PPP1R9A: variants seen among roughly 807,000 people sequenced by gnomAD.
PPP1R9A encodes protein phosphatase 1 regulatory subunit 9A.
Under a neutral mutation model 141.9 loss-of-function variants are expected in PPP1R9A, and 59 were observed. The observed-to-expected ratio is 0.42, with a 90% CI of 0.34 to 0.52. The LOEUF is 0.52. PPP1R9A is among the 20% of genes least tolerant of loss of function. PPP1R9A has a pLI of 0.10. For synonymous variants in PPP1R9A, 500 were observed against 569.7 expected, an observed-to-expected ratio of 0.88 and a Z score of 1.74; for missense variants, 1,444 against 1,611.9, an observed-to-expected ratio of 0.90 and a Z score of 1.78.
chr7:95,001,777 G>A (rs1802962830), intron 2 of PPP1R9A, among the ~76,000 whole-genome samples: 1 of 152,096 alleles, frequency 6.6e-6, no homozygotes, highest in South Asian at 2.1e-4. Context: ...TAAATGTATT[G>A]AAGACAAAGC....
Position 94,923,543 on chromosome 7 carries a change from A to G in PPP1R9A, c.1395+12035A>G, listed in dbSNP as rs993486019. On this transcript the variant is annotated intron_variant, in intron 2 of 19. Transcript: ENST00000433360. ...ATAGGATTTTGAGTTCTAGGCCTCC[A>G]CAGAATCCATTTGAATATGTTTCCT... Among the ~76,000 whole-genome samples, 6 of 152,216 alleles carry G rather than the reference A, an allele frequency of 3.9e-5. No homozygotes were observed. The South Asian group carries it at 1.2e-3, about 32-fold the overall frequency.
intron 2 of PPP1R9A, among the ~76,000 whole-genome samples, chr7:95,061,461 C>T (rs367790052): frequency 2.6e-4 from 40 of 152,242 alleles, no homozygotes; most frequent in African/African-American, 6.7e-4. Flanking sequence ...TGGCGCTGGA[C>T]GCGGTGGCTC....
chr7:95,002,982 G>A (rs935053730), intron 2 of PPP1R9A, among the ~76,000 whole-genome samples: 1 of 152,088 alleles, frequency 6.6e-6, no homozygotes, highest in Non-Finnish European at 1.5e-5. Context: ...GAGTCCTGCT[G>A]GTTGGAGAGT....
chr7:95,097,717 A>G (rs2152382177), intron 2 of PPP1R9A, among the ~76,000 whole-genome samples: 1 of 152,272 alleles, frequency 6.6e-6, no homozygotes, highest in South Asian at 2.1e-4. Context: ...TTCATGACCT[A>G]TTAGATTGAT....
chr7:95,108,302 C>CGTTTCTTTTTTTTTTTTTTTTTTTTT (rs1204011323), intron 2 of PPP1R9A, among the ~76,000 whole-genome samples: 1 of 68,760 alleles, frequency 1.5e-5, no homozygotes. Context: ...TTTTTCGTTT[C>CGTTTCTTTTTTTTTTTTTTTTTTTTT]TTTTCTTTTT....
At chr7:95,288,993 C>T (rs1805874727) in intron 19 of PPP1R9A, among the ~76,000 whole-genome samples, 1 of 152,142 alleles carries the variant, frequency 6.6e-6, no homozygotes, top group Admixed American at 6.5e-5. Flanking sequence ...TATTAACTCT[C>T]CTTACATCTG....
intron 2 of PPP1R9A, among the ~76,000 whole-genome samples, chr7:95,000,088 C>A (rs1292154471): frequency 6.6e-6 from 1 of 152,092 alleles, no homozygotes; most frequent in Non-Finnish European, 1.5e-5. Context: ...CAGGCATGAG[C>A]CACCGCGCCC....
chr7:95,186,602 AG>A (rs1379251151), intron 5 of PPP1R9A, among the ~76,000 whole-genome samples: 1 of 152,060 alleles, frequency 6.6e-6, no homozygotes, highest in Non-Finnish European at 1.5e-5. Flanking sequence ...TCTAGTTCTC[AG>A]GAGGAATGCT....
chr7:95,014,621 T>C (rs185487694), intron 2 of PPP1R9A, among the ~76,000 whole-genome samples: 50 of 152,198 alleles, frequency 3.3e-4, no homozygotes, highest in African/African-American at 8.9e-4. Flanking sequence ...GAAAATACTT[T>C]GAGACTTTGT....
intron 7 of PPP1R9A, among the ~76,000 whole-genome samples, chr7:95,223,181 GATGAA>G (rs1794691410): frequency 6.6e-6 from 1 of 152,016 alleles, no homozygotes; most frequent in African/African-American, 2.4e-5. Flanking sequence ...TAAATGAAAA[GATGAA>G]ATGAGTGATA....
At chr7:94,968,298 A>G (rs1415613715) in intron 2 of PPP1R9A, among the ~76,000 whole-genome samples, 4 of 150,894 alleles carry the variant, frequency 2.7e-5, no homozygotes, top group African/African-American at 7.3e-5. Flanking sequence ...TCAGCCTCCC[A>G]AGTAGCTGGG....
chr7:94,992,966 A>G lies in PPP1R9A; in HGVS notation c.1395+81458A>G, dbSNP rs528491080. Among the ~76,000 whole-genome samples the G allele has an allele frequency of 7.9e-5, 12 of 152,178 alleles. No homozygotes were observed. The South Asian group carries it at 2.5e-3, about 32-fold the overall frequency. On this transcript the variant is annotated intron_variant, in intron 2 of 19. Transcript: ENST00000433360. ...ATCTAAGAAATCTTTGGTTAATCCA[A>G]GGTCACAAATATATTCTACTTTTTC...
intron 4 of PPP1R9A, among the ~76,000 whole-genome samples, chr7:95,140,879 A>C (rs1359325787): frequency 6.6e-6 from 1 of 151,962 alleles, no homozygotes; most frequent in African/African-American, 2.4e-5. Flanking sequence ...ACACCTGGCT[A>C]ATTTATTTAT....
chr7:94,977,764 CTTTTTTTTT>C (rs370362125), intron 2 of PPP1R9A, among the ~76,000 whole-genome samples: 2 of 131,364 alleles, frequency 1.5e-5, no homozygotes, highest in African/African-American at 5.5e-5. Context: ...TTTTCATTTT[CTTTTTTTTT>C]TTTTTTTGAA....
At chr7:95,265,993 C>T (rs1364355896) in intron 12 of PPP1R9A, among the ~76,000 whole-genome samples, 2 of 152,178 alleles carry the variant, frequency 1.3e-5, no homozygotes, top group African/African-American at 4.8e-5. Context: ...CTGACACAAG[C>T]ACCAGGCAAA....
chr7:95,217,321 C>T (rs1205668904), intron 7 of PPP1R9A, among the ~76,000 whole-genome samples: 2 of 152,172 alleles, frequency 1.3e-5, no homozygotes, highest in Non-Finnish European at 2.9e-5. Flanking sequence ...ATGAAGCCCA[C>T]TTGATCATGG....
chr7:95,099,344 C>T (rs555536275), intron 2 of PPP1R9A, among the ~76,000 whole-genome samples: 1 of 152,258 alleles, frequency 6.6e-6, no homozygotes, highest in Non-Finnish European at 1.5e-5. Flanking sequence ...GGACCAAGGC[C>T]ACCAATTTAT....
At chr7:94,936,006 T>C (rs1342054019) in intron 2 of PPP1R9A, among the ~76,000 whole-genome samples, 1 of 152,220 alleles carries the variant, frequency 6.6e-6, no homozygotes, top group Admixed American at 6.5e-5. Flanking sequence ...TTTTAGGCTA[T>C]GTTTACATTT....
chr7:95,020,860 T>C (rs1379550104), intron 2 of PPP1R9A, among the ~76,000 whole-genome samples: 1 of 152,226 alleles, frequency 6.6e-6, no homozygotes, highest in African/African-American at 2.4e-5. Flanking sequence ...ACATTTTCTT[T>C]ATCCAGTCTG....
Sources: allele counts gnomAD v4.1 joint callset (sites outside exome capture counted in the v4.1 genomes callset), GRCh38; gene constraint gnomAD v4.1.1; transcripts MANE v1.5; gene names NCBI Gene and HGNC (gene_info 2026-07-23, HGNC 2026-07-21).